The following LRP1B variants were observed in gnomAD, a reference collection of about 807,000 sequenced individuals.
The protein encoded by LRP1B is low-density lipoprotein receptor-related protein 1B.
In LRP1B, 217 loss-of-function variants were observed where a neutral mutation model predicts 556.6. The observed-to-expected ratio is 0.39, with a 90% CI of 0.35 to 0.44. The LOEUF (loss-of-function observed/expected upper bound fraction) is 0.44, where lower values mean the gene tolerates loss of function less well. Ranked by LOEUF, LRP1B falls within the 20% of genes least tolerant of loss-of-function variation. The pLI is 1.00. For missense variants in LRP1B, 5,053 were observed against 5,620.8 expected (o/e 0.90, Z 3.23); for synonymous variants, 2,047 against 1,865.8 (o/e 1.10, Z -2.50).
chr2:142,123,423 C>G (rs886963231), intron 1 of LRP1B, among the ~76,000 whole-genome samples: 1 of 151,912 alleles, frequency 6.6e-6, no homozygotes, highest in Non-Finnish European at 1.5e-5. Context: ...AAGAATAAAA[C>G]AAGAGACGAT....
chr2:140,496,240 T>A (rs1688929853), intron 55 of LRP1B, among the ~76,000 whole-genome samples: 1 of 152,024 alleles, frequency 6.6e-6, no homozygotes, highest in African/African-American at 2.4e-5. Context: ...GCTTTTGCAA[T>A]TACCTTTAAT....
chr2:141,126,285 C>T (rs893274240), intron 7 of LRP1B, among the ~76,000 whole-genome samples: 11 of 152,106 alleles, frequency 7.2e-5, no homozygotes, highest in Non-Finnish European at 1.2e-4. Flanking sequence ...GCACCCGCCT[C>T]GGACTCCCAA....
intron 57 of LRP1B, among the ~76,000 whole-genome samples, chr2:140,489,303 A>G (rs1688603315): frequency 6.6e-6 from 1 of 152,038 alleles, no homozygotes; most frequent in Non-Finnish European, 1.5e-5. Context: ...CTCGTGCCAT[A>G]GGTCATAAAC....
intron 1 of LRP1B, among the ~76,000 whole-genome samples, chr2:141,873,272 A>T (rs1369349744): frequency 6.6e-6 from 1 of 152,010 alleles, no homozygotes; most frequent in South Asian, 2.1e-4. Context: ...ATTGGGCAAC[A>T]TGGCAAAACC....
At chr2:141,343,007 C>G (rs1688127326) in intron 3 of LRP1B, among the ~76,000 whole-genome samples, 1 of 152,176 alleles carries the variant, frequency 6.6e-6, no homozygotes, top group African/African-American at 2.4e-5. Flanking sequence ...GGAAGCCCAT[C>G]CGACTAACAG....
In LRP1B at chr2:141,544,342, TC is replaced by T. The variant is rs767717559; in HGVS notation, c.206-63810del. 4.1e-3 allele frequency among the ~76,000 whole-genome samples: 358 copies of T among 87,240 alleles called. 1 individual carries two copies. The highest frequency in any genetic ancestry group is 0.014 in the South Asian group (24 of 1,706). The allele number at this position is 87,240 out of a possible 152,430, so 57.2% of individuals were successfully genotyped here. A position where few individuals can be genotyped will look rare whatever the true frequency, so the allele number is the denominator to read the frequency against. The stretch of plus-strand genomic sequence containing the variant: ...TTCTTCTTCTTCTTCTTCTTCTTCT[TC>T]TTCTTCTTCTTCTTCTTCTTCTTCT... On this transcript the variant is annotated intron_variant, in intron 2 of 90. Transcript: ENST00000389484.
At chr2:140,268,146 C>T (rs1682294106) in intron 86 of LRP1B, among the ~76,000 whole-genome samples, 1 of 151,818 alleles carries the variant, frequency 6.6e-6, no homozygotes, top group Non-Finnish European at 1.5e-5. Context: ...TACTGGTGTT[C>T]TAAAATAGAA....
chr2:141,595,175 G>T (rs1051727036), intron 2 of LRP1B, among the ~76,000 whole-genome samples: 9 of 152,026 alleles, frequency 5.9e-5, no homozygotes, highest in Non-Finnish European at 1.3e-4. Context: ...TAAATTAGAA[G>T]ATGAAATATA....
intron 2 of LRP1B, among the ~76,000 whole-genome samples, chr2:141,714,801 GC>G (rs1692514574): frequency 6.6e-6 from 1 of 152,084 alleles, no homozygotes; most frequent in East Asian, 1.9e-4. Flanking sequence ...AAGCAGGTTT[GC>G]TTTTTTCTAA....
chr2:140,322,095 A>G lies in LRP1B; in HGVS notation c.12515-7T>C, dbSNP rs1248592102. On this transcript the variant is annotated splice_polypyrimidine_tract_variant and splice_region_variant and intron_variant, in intron 81 of 90. Coordinates refer to ENST00000389484, the MANE Select transcript of LRP1B (RefSeq NM_018557.3). ...TCCAAGCATGGATTGGGTACTGGTGAAACAAAAGAAAACAAAGAAGTGTGT... is the reference window on the plus strand; with the variant it reads ...TCCAAGCATGGATTGGGTACTGGTGGAACAAAAGAAAACAAAGAAGTGTGT... 1.2e-6 allele frequency: 2 copies of G among 1,608,584 alleles called. No individual in the cohort carries two copies. Among genetic ancestry groups the G allele is most frequent in the Non-Finnish European group, 8.5e-7 (1 of 1,177,904 alleles).
At chr2:140,290,118 C>G (rs988271042) in intron 84 of LRP1B, among the ~76,000 whole-genome samples, 15 of 151,876 alleles carry the variant, frequency 9.9e-5, no homozygotes, top group African/African-American at 3.6e-4. Context: ...ACACTGTGGC[C>G]TGTTTAATAT....
At chr2:141,465,209 A>G (rs1273967770) in intron 3 of LRP1B, among the ~76,000 whole-genome samples, 1 of 152,184 alleles carries the variant, frequency 6.6e-6, no homozygotes, top group Non-Finnish European at 1.5e-5. Context: ...AAATTCAGAC[A>G]AGTTTTTAAA....
intron 1 of LRP1B, among the ~76,000 whole-genome samples, chr2:142,014,670 C>G (rs922207450): frequency 6.6e-6 from 1 of 152,108 alleles, no homozygotes; most frequent in Admixed American, 6.5e-5. Flanking sequence ...AGTTGACTGT[C>G]AAGTATTGGA....
At chr2:141,544,328 CT>C (rs1177606911) in intron 2 of LRP1B, among the ~76,000 whole-genome samples, 1 of 36,956 alleles carries the variant, frequency 2.7e-5, no homozygotes, top group African/African-American at 7.8e-5. Context: ...TCTTCTTCTT[CT>C]TCTTCTTCTT....
intron 6 of LRP1B, among the ~76,000 whole-genome samples, chr2:141,199,456 A>G (rs1681904207): frequency 6.6e-6 from 1 of 152,064 alleles, no homozygotes; most frequent in African/African-American, 2.4e-5. Context: ...AAAATCTCCA[A>G]TGGCTTTCCA....
intron 3 of LRP1B, among the ~76,000 whole-genome samples, chr2:141,450,751 G>A: frequency 6.6e-6 from 1 of 151,990 alleles, no homozygotes; most frequent in East Asian, 1.9e-4. Flanking sequence ...AGGCAGTGTG[G>A]AATCTTAAGT....
chr2:141,400,072 A>G (rs554754351), intron 3 of LRP1B, among the ~76,000 whole-genome samples: 2 of 151,976 alleles, frequency 1.3e-5, no homozygotes, highest in African/African-American at 4.8e-5. Context: ...GGCAGCTTCA[A>G]TCTCCCAGAG....
intron 66 of LRP1B, among the ~76,000 whole-genome samples, chr2:140,395,947 G>A: frequency 6.6e-6 from 1 of 151,968 alleles, no homozygotes; most frequent in East Asian, 1.9e-4. Flanking sequence ...GGGGGGAAGG[G>A]GAAAGTAGTT....
At chr2:140,323,591 CTTAAAGTA>C (rs1209938484) in intron 81 of LRP1B, among the ~76,000 whole-genome samples, 1 of 151,762 alleles carries the variant, frequency 6.6e-6, no homozygotes, top group Non-Finnish European at 1.5e-5. Flanking sequence ...TACCCTAAAA[CTTAAAGTA>C]TAATAATAAT....
Sources: allele counts gnomAD v4.1 joint callset (sites outside exome capture counted in the v4.1 genomes callset), GRCh38; gene constraint gnomAD v4.1.1; transcripts MANE v1.5; gene names NCBI Gene and HGNC (gene_info 2026-07-23, HGNC 2026-07-21).